Variants in FBXW8 observed in about 807,000 individuals in gnomAD.
FBXW8 encodes the protein F-box and WD repeat domain containing 8, also known as F-box/WD repeat-containing protein 8.
A neutral mutation model predicts 65.3 loss-of-function variants in FBXW8; 57 were observed. That is an observed-to-expected ratio of 0.87 (90% CI 0.71 to 1.09). The LOEUF is 1.09. Among genes scored for constraint, FBXW8 ranks in the 50% least tolerant of loss-of-function variants. FBXW8 has a pLI of 0.00. For missense variants in FBXW8, 777 were observed against 814.8 expected (o/e 0.95, Z 0.57); for synonymous variants, 308 against 330.2 (o/e 0.93, Z 0.73).
intron 7 of FBXW8, among the ~76,000 whole-genome samples, chr12:117,000,378 A>C (rs1179768750): frequency 6.6e-6 from 1 of 152,238 alleles, no homozygotes; most frequent in Non-Finnish European, 1.5e-5. Flanking sequence ...AGTAATACTT[A>C]CCACTGTCAT....
chr12:117,024,418 C>T (rs904424100), intron 9 of FBXW8, 98 bp downstream of exon 9: 2 of 1,416,794 alleles, frequency 1.4e-6, no homozygotes, highest in East Asian at 2.3e-5. Flanking sequence ...TGCCCCCTAC[C>T]CCCCGGCTTC....
At position 116,985,287 on chromosome 12, in the gene FBXW8, C is replaced by T. The variant is rs1348285721; in HGVS notation, c.917C>T (p.Ala306Val). 6.2e-7 allele frequency: 1 copy of T among 1,614,096 alleles called. No homozygotes were observed. Among genetic ancestry groups the T allele is most frequent in the Non-Finnish European group, 8.5e-7 (1 of 1,180,036 alleles). The change falls in exon 6 of 11, where the codon GCC becomes GTC. Residue 306 changes from alanine (A) to valine (V), a missense_variant. By Grantham distance (64) the Ala-to-Val change is moderately conservative. Coordinates refer to ENST00000652555, the MANE Select transcript of FBXW8 (RefSeq NM_153348.3). ...FEHDARIQAL[A>V]LSQDDATVAT... Reference sequence around the variant, plus strand: ...CACGATGCAAGAATACAGGCACTAGCCCTCAGCCAGGACGATGCAACCGTG... The same window carrying T: ...CACGATGCAAGAATACAGGCACTAGTCCTCAGCCAGGACGATGCAACCGTG...
chr12:117,001,316 CTATT>C (rs1953515230), intron 7 of FBXW8, among the ~76,000 whole-genome samples: 1 of 152,120 alleles, frequency 6.6e-6, no homozygotes, highest in Non-Finnish European at 1.5e-5. Context: ...CCCCCTGGGG[CTATT>C]TGTTTCAGTG....
At chr12:117,016,189 G>A (rs995135193) in intron 8 of FBXW8, among the ~76,000 whole-genome samples, 1 of 152,196 alleles carries the variant, frequency 6.6e-6, no homozygotes, top group African/African-American at 2.4e-5. Flanking sequence ...ACTGGGAGTG[G>A]AATTGCTGGC....
chr12:117,019,241 A>G (rs1402990641), intron 8 of FBXW8, among the ~76,000 whole-genome samples: 1 of 152,196 alleles, frequency 6.6e-6, no homozygotes, highest in African/African-American at 2.4e-5. Flanking sequence ...ATACATTATC[A>G]TCTGTGTCCA....
chr12:116,968,947 C>A (rs1884487462), intron 5 of FBXW8, among the ~76,000 whole-genome samples: 1 of 151,780 alleles, frequency 6.6e-6, no homozygotes, highest in Admixed American at 6.6e-5. Context: ...CCAAGTACAT[C>A]TTTTTTCCAG....
At chr12:116,930,814 A>C (rs575876714) in intron 2 of FBXW8, among the ~76,000 whole-genome samples, 154 of 151,846 alleles carry the variant, frequency 1.0e-3, no homozygotes, top group African/African-American at 3.5e-3. Flanking sequence ...ACTTATTTTT[A>C]TTTTTTTTAT....
Position 117,030,723 on chromosome 12 carries a change from T to C in FBXW8, c.*2551T>C, listed in dbSNP as rs944360586. 6.6e-6 allele frequency: 1 copy of C among 152,114 alleles called. No individual in the cohort carries two copies. The highest frequency in any genetic ancestry group is 2.4e-5 in the African/African-American group (1 of 41,430). 9.4% of individuals were successfully genotyped at this position (152,114 alleles called of 1,614,324 possible). ...CTAACGTACCTGCCATTCGTGGAAG[T>C]CGCCTGGGTTTTGTAAAGGAGAATT... On this transcript the variant is annotated 3_prime_UTR_variant, in exon 11 of 11. Transcript: ENST00000652555.
chr12:116,957,521 G>T (rs1417654898), intron 4 of FBXW8, among the ~76,000 whole-genome samples: 4 of 152,142 alleles, frequency 2.6e-5, no homozygotes, highest in African/African-American at 9.7e-5. Flanking sequence ...ATATGTATGT[G>T]TGAAAAATAA....
intron 2 of FBXW8, among the ~76,000 whole-genome samples, chr12:116,934,327 G>A (rs532618522): frequency 6.6e-5 from 10 of 152,140 alleles, no homozygotes; most frequent in African/African-American, 2.4e-4. Flanking sequence ...CTGTGGGAGT[G>A]TTTCTTGCCG....
chr12:116,959,416 G>A (rs1166628842), intron 4 of FBXW8, among the ~76,000 whole-genome samples: 2 of 152,154 alleles, frequency 1.3e-5, no homozygotes, highest in African/African-American at 2.4e-5. Flanking sequence ...GGCACATTTT[G>A]ATCCCAGCTG....
intron 5 of FBXW8, among the ~76,000 whole-genome samples, chr12:116,968,784 A>G (rs564375297): frequency 1.3e-5 from 2 of 152,186 alleles, no homozygotes; most frequent in South Asian, 4.2e-4. Flanking sequence ...TGTAGTTTTA[A>G]TTTACATTTC....
At chr12:117,027,573 C>T (rs577599488) in intron 10 of FBXW8, 69 bp downstream of exon 10, 22 of 1,183,456 alleles carry the variant, frequency 1.9e-5, no homozygotes, top group East Asian at 1.5e-4. Context: ...CCACCCCCCC[C>T]GCCGTGACAC....
chr12:116,963,612 A>G (rs935536035), intron 4 of FBXW8, among the ~76,000 whole-genome samples: 125 of 152,178 alleles, frequency 8.2e-4, no homozygotes, highest in African/African-American at 2.9e-3. Flanking sequence ...TCAAAAACAA[A>G]CAAAAGAAAA....
chr12:116,956,222 G>A (rs569718178), intron 4 of FBXW8, among the ~76,000 whole-genome samples: 1 of 151,902 alleles, frequency 6.6e-6, no homozygotes, highest in South Asian at 2.1e-4. Flanking sequence ...TGCCTTTGCT[G>A]GAAGGAGCAG....
chr12:116,946,211 C>T (rs1172043389), intron 3 of FBXW8, among the ~76,000 whole-genome samples: 1 of 152,168 alleles, frequency 6.6e-6, no homozygotes, highest in Admixed American at 6.5e-5. Context: ...TCTTTACTCC[C>T]ATAAAGGTCA....
intron 7 of FBXW8, among the ~76,000 whole-genome samples, chr12:116,999,086 G>A (rs1236280380): frequency 2.0e-5 from 3 of 152,132 alleles, no homozygotes; most frequent in African/African-American, 2.4e-5. Context: ...TCTAATGGAC[G>A]CAAAGTTACT....
chr12:116,975,700 C>T (rs778038362), intron 5 of FBXW8, among the ~76,000 whole-genome samples: 1 of 152,216 alleles, frequency 6.6e-6, no homozygotes, highest in Non-Finnish European at 1.5e-5. Context: ...CCTCCTGATA[C>T]ATAATGCACT....
At chr12:116,964,968 C>A (rs1375648784) in intron 5 of FBXW8, 114 bp downstream of exon 5, 19 of 1,003,060 alleles carry the variant, frequency 1.9e-5, no homozygotes, top group Non-Finnish European at 2.7e-5. Flanking sequence ...TGGGCACACA[C>A]ACATGTTCAC....
Sources: gnomAD v4.1 joint callset for allele counts (sites outside exome capture counted in the v4.1 genomes callset) on GRCh38, gnomAD v4.1.1 for gene constraint, MANE v1.5 for transcripts, NCBI Gene and HGNC (gene_info 2026-07-23, HGNC 2026-07-21) for gene names.